Variants in YWHAE observed in about 807,000 individuals in gnomAD.
The protein encoded by YWHAE is tyrosine 3-monooxygenase/tryptophan 5-monooxygenase activation protein epsilon.
In YWHAE, 4 loss-of-function variants were observed where a neutral mutation model predicts 30.1. That is an observed-to-expected ratio of 0.13 (90% CI 0.07 to 0.30). The LOEUF is 0.30. Ranked by LOEUF, YWHAE falls within the 10% of genes least tolerant of loss-of-function variation. The pLI is 1.00. For synonymous variants in YWHAE, 118 were observed against 111.8 expected (o/e 1.06, Z -0.35); for missense variants, 121 against 315.9 (o/e 0.38, Z 4.68).
intron 1 of YWHAE, among the ~76,000 whole-genome samples, chr17:1,396,322 G>T (rs769840954): frequency 6.6e-6 from 1 of 152,114 alleles, no homozygotes; most frequent in Non-Finnish European, 1.5e-5. Context: ...TACTCGGGAG[G>T]GTGAGGCAGG....
intron 1 of YWHAE, among the ~76,000 whole-genome samples, chr17:1,392,609 G>C (rs1426507979): frequency 6.6e-6 from 1 of 152,070 alleles, no homozygotes; most frequent in Admixed American, 6.6e-5. Flanking sequence ...CAGCATTTTG[G>C]GAGGCTGAGG....
chr17:1,354,897 C>T (rs1403425069), intron 4 of YWHAE, among the ~76,000 whole-genome samples: 3 of 148,126 alleles, frequency 2.0e-5, no homozygotes, highest in Non-Finnish European at 4.5e-5. Context: ...CTCCTGACCT[C>T]GTGATCCACC....
chr17:1,370,325 G>C (rs549420873), intron 1 of YWHAE, among the ~76,000 whole-genome samples: 2 of 151,700 alleles, frequency 1.3e-5, no homozygotes, highest in East Asian at 3.9e-4. Flanking sequence ...TAGAGGCGGG[G>C]TTTCACCATG....
At chr17:1,377,627 G>A (rs2073144904) in intron 1 of YWHAE, among the ~76,000 whole-genome samples, 1 of 151,856 alleles carries the variant, frequency 6.6e-6, no homozygotes, top group Non-Finnish European at 1.5e-5. Flanking sequence ...AAAAGAAAGA[G>A]TTCAGTCACT....
At chr17:1,390,919 T>C (rs765996629) in intron 1 of YWHAE, among the ~76,000 whole-genome samples, 1 of 152,202 alleles carries the variant, frequency 6.6e-6, no homozygotes, top group Non-Finnish European at 1.5e-5. Flanking sequence ...ACTACACAGT[T>C]TGGCATTCTA....
At position 1,360,969 on chromosome 17, in the gene YWHAE, G is replaced by A. The variant is rs1358484106; in HGVS notation, c.578+123C>T. ...ATACTATCCAAAGTAGTTTCAGTAA[G>A]AGCCAAAAGAATTACTATGCAGCCA... On this transcript the variant is annotated intron_variant, in intron 4 of 5. Coordinates refer to ENST00000264335, the MANE Select transcript of YWHAE (RefSeq NM_006761.5). 1.7e-5 allele frequency: 14 copies of A among 847,008 alleles called. No individual in the cohort carries two copies. In the East Asian group the frequency reaches 3.4e-4, roughly 20 times the overall value. 52.5% of individuals were successfully genotyped at this position (847,008 alleles called of 1,614,324 possible).
chr17:1,399,271 G>C (rs978573430), intron 1 of YWHAE: 4 of 152,176 alleles, frequency 2.6e-5, no homozygotes, highest in Non-Finnish European at 5.9e-5. Context: ...TTAAGTCTGA[G>C]GAAAGGGAGG....
chr17:1,352,010 C>T (rs2072643233), intron 5 of YWHAE: 1 of 151,764 alleles, frequency 6.6e-6, no homozygotes, highest in Non-Finnish European at 1.5e-5. Context: ...TCTTGAACTC[C>T]TAGGCTCAAG....
chr17:1,388,826 T>G (rs1391817994), intron 1 of YWHAE, among the ~76,000 whole-genome samples: 1 of 152,218 alleles, frequency 6.6e-6, no homozygotes, highest in African/African-American at 2.4e-5. Flanking sequence ...ACAAAAACTG[T>G]CATAACTGTC....
intron 1 of YWHAE, among the ~76,000 whole-genome samples, chr17:1,380,704 T>C (rs11655548): frequency 0.32 from 48,238 of 152,106 alleles, 8,026 homozygotes; most frequent in Admixed American, 0.49. Context: ...GCGTTTAGAA[T>C]CTAAGTCTAA....
Position 1,398,705 on chromosome 17 carries a change from T to A in YWHAE, c.64+1342A>T, listed in dbSNP as rs547355680. On this transcript the variant is annotated intron_variant, in intron 1 of 5. Transcript: ENST00000264335. ...TACTACAGTATCGCACAATTATAAA[T>A]GTGTGGGTATTTCAAAAGGTGGTCC... 7.2e-5 allele frequency: 11 copies of A among 152,124 alleles called. 1 individual carries two copies. In the South Asian group the frequency reaches 2.3e-3, roughly 32 times the overall value. 9.4% of individuals were successfully genotyped at this position (152,124 alleles called of 1,614,324 possible). A position where few individuals can be genotyped will look rare whatever the true frequency, so the allele number is the denominator to read the frequency against.
At chr17:1,387,361 G>A (rs143996471) in intron 1 of YWHAE, among the ~76,000 whole-genome samples, 8 of 152,208 alleles carry the variant, frequency 5.3e-5, no homozygotes, top group Admixed American at 1.3e-4. Context: ...AAGAGGCTGG[G>A]GAGATCAATG....
rs988179804 is a variant in YWHAE, at chr17:1,345,304, A to AAC, written c.*142_*143insGT. On this transcript the variant is annotated 3_prime_UTR_variant, in exon 6 of 6. Coordinates refer to ENST00000264335, the MANE Select transcript of YWHAE (RefSeq NM_006761.5). ...GAAAACTGTTTAAAAAAAAAAAAAA[A>AAC]AAACCAACAGGGCAGGAACCTAAAT... 5.0e-6 allele frequency: 4 copies of AAC among 793,748 alleles called. No individual in the cohort carries two copies. Among genetic ancestry groups the AAC allele is most frequent in the Non-Finnish European group, 6.0e-6 (3 of 503,746 alleles). The allele number at this position is 793,748 out of a possible 1,614,324, so 49.2% of individuals were successfully genotyped here.
At chr17:1,353,456 GA>G (rs2072674797) in intron 5 of YWHAE, among the ~76,000 whole-genome samples, 1 of 111,920 alleles carries the variant, frequency 8.9e-6, no homozygotes, top group Non-Finnish European at 1.9e-5. Context: ...AAAAAGAAAA[GA>G]AAAGAAAAGA....
intron 1 of YWHAE, among the ~76,000 whole-genome samples, chr17:1,396,359 G>A (rs2073471325): frequency 6.6e-6 from 1 of 152,154 alleles, no homozygotes; most frequent in Admixed American, 6.5e-5. Context: ...TGGAGGCGGA[G>A]GTTGCAGTGG....
chr17:1,361,784 C>T (rs1598239457), intron 3 of YWHAE, 118 bp downstream of exon 3: 1 of 605,564 alleles, frequency 1.7e-6, no homozygotes, highest in Non-Finnish European at 2.8e-6. Flanking sequence ...TATTAACTAT[C>T]CTTCTAACAT....
intron 1 of YWHAE, among the ~76,000 whole-genome samples, chr17:1,394,139 G>A (rs1191395015): frequency 6.6e-6 from 1 of 152,092 alleles, no homozygotes; most frequent in African/African-American, 2.4e-5. Context: ...ACTAAGTTCT[G>A]GCTTTACCAT....
At chr17:1,383,700 A>G (rs1450492305) in intron 1 of YWHAE, among the ~76,000 whole-genome samples, 1 of 152,008 alleles carries the variant, frequency 6.6e-6, no homozygotes, top group Non-Finnish European at 1.5e-5. Context: ...TGTTTAAACA[A>G]TTTTTTAAAA....
intron 1 of YWHAE, among the ~76,000 whole-genome samples, chr17:1,370,291 G>GC (rs1039695505): frequency 5.3e-5 from 8 of 150,072 alleles, no homozygotes; most frequent in African/African-American, 1.5e-4. Context: ...CATGCCCAGT[G>GC]AATTTTTTTG....
Sources: allele counts gnomAD v4.1 joint callset (sites outside exome capture counted in the v4.1 genomes callset), GRCh38; gene constraint gnomAD v4.1.1; transcripts MANE v1.5; gene names NCBI Gene and HGNC (gene_info 2026-07-23, HGNC 2026-07-21).